Variants in HNRNPC observed in about 807,000 individuals in gnomAD.
The protein encoded by HNRNPC is heterogeneous nuclear ribonucleoprotein C.
HNRNPC carries 3 observed loss-of-function variants against 33.2 expected under a neutral mutation model. That is an observed-to-expected ratio of 0.09 (90% CI 0.04 to 0.23). The LOEUF (loss-of-function observed/expected upper bound fraction) is 0.23. Ranked by LOEUF, HNRNPC falls within the 10% of genes least tolerant of loss-of-function variation. HNRNPC has a pLI of 1.00. For missense variants in HNRNPC, 143 were observed against 366.7 expected (o/e 0.39, Z 4.98); for synonymous variants, 121 against 126.7 (o/e 0.96, Z 0.30).
At position 21,211,399 on chromosome 14, in the gene HNRNPC, T is replaced by C; in HGVS notation, c.798+7A>G. On this transcript the variant is annotated splice_region_variant and intron_variant, in intron 8 of 8. Coordinates refer to ENST00000553300, the MANE Select transcript of HNRNPC (RefSeq NM_004500.4). Reference sequence around the variant, plus strand: ...CACCTTTTTCTTTCCTTTCCCGTGGTTTTCACCTGGTCATCCCCCCGATCT... The same window carrying C: ...CACCTTTTTCTTTCCTTTCCCGTGGCTTTCACCTGGTCATCCCCCCGATCT... 2 of 1,429,076 alleles carry C rather than the reference T, an allele frequency of 1.4e-6. No individual in the cohort carries two copies. Among genetic ancestry groups the C allele is most frequent in the East Asian group, 3.4e-5 (1 of 29,026 alleles). 88.5% of individuals were successfully genotyped at this position (1,429,076 alleles called of 1,614,324 possible).
chr14:21,232,311 G>C (rs1262533888), intron 3 of HNRNPC, among the ~76,000 whole-genome samples: 2 of 152,062 alleles, frequency 1.3e-5, no homozygotes, highest in African/African-American at 4.8e-5. Context: ...ATTAAAATGA[G>C]CTTCATTTTA....
intron 2 of HNRNPC, among the ~76,000 whole-genome samples, chr14:21,240,263 CTCTA>C (rs1333740862): frequency 6.6e-6 from 1 of 152,192 alleles, no homozygotes; most frequent in East Asian, 1.9e-4. Context: ...TAAGTAAAAA[CTCTA>C]TCTAGTTGGG....
intron 2 of HNRNPC, among the ~76,000 whole-genome samples, chr14:21,235,894 C>G (rs763273529): frequency 6.6e-6 from 1 of 151,940 alleles, no homozygotes; most frequent in Non-Finnish European, 1.5e-5. Context: ...TAAGCCAACA[C>G]AGAATACTGA....
chr14:21,211,743 T>A (rs1440409446), intron 7 of HNRNPC, 67 bp downstream of exon 7: 3 of 1,469,046 alleles, frequency 2.0e-6, no homozygotes, highest in African/African-American at 1.4e-5. Flanking sequence ...TATTCCAACA[T>A]GTACTTTCAA....
chr14:21,229,546 A>G (rs1026645999), intron 5 of HNRNPC, among the ~76,000 whole-genome samples: 1 of 152,120 alleles, frequency 6.6e-6, no homozygotes, highest in Non-Finnish European at 1.5e-5. Flanking sequence ...ACTACGTACC[A>G]TATTCTGTGA....
chr14:21,230,055 T>C (rs1893940290), intron 5 of HNRNPC, among the ~76,000 whole-genome samples: 1 of 152,170 alleles, frequency 6.6e-6, no homozygotes, highest in African/African-American at 2.4e-5. Context: ...ACCCAGTCCC[T>C]AGTCACCACA....
intron 2 of HNRNPC, among the ~76,000 whole-genome samples, chr14:21,256,222 C>A (rs766245242): frequency 6.6e-6 from 1 of 152,064 alleles, no homozygotes; most frequent in South Asian, 2.1e-4. Context: ...CAGAGACGGG[C>A]AGATCACAAG....
Position 21,211,853 on chromosome 14 carries a change from C to A in HNRNPC, c.594G>T (p.Leu198=), listed in dbSNP as rs2030020960. Residue 198 remains leucine, a synonymous_variant, in exon 7 of 9, where the codon CTG becomes CTT. Transcript: ENST00000553300. The part of the protein sequence containing the change: ...TQIKQKVDSL[L]ENLEKIEKEQ... ...CCTTTTCAATTTTTTCCAGGTTTTC[C>A]AGGAGAGAATCCACTTTTTGTTTTA... is the stretch of plus-strand genomic sequence containing the variant. 1.2e-6 allele frequency: 2 copies of A among 1,612,784 alleles called. No homozygotes were observed. The highest frequency in any genetic ancestry group is 2.7e-5 in the African/African-American group (2 of 74,812).
chr14:21,253,857 A>T (rs1004580851), intron 2 of HNRNPC, among the ~76,000 whole-genome samples: 2 of 152,010 alleles, frequency 1.3e-5, no homozygotes, highest in Non-Finnish European at 2.9e-5. Flanking sequence ...CGAGGTCAGC[A>T]AATCGACACC....
At chr14:21,222,040 C>CAAA (rs71112558) in intron 5 of HNRNPC, among the ~76,000 whole-genome samples, 5 of 65,692 alleles carry the variant, frequency 7.6e-5, no homozygotes, top group Admixed American at 4.6e-4. Context: ...GACTCCGTCT[C>CAAA]AAAAAAAAAA....
chr14:21,227,387 G>C, intron 5 of HNRNPC, among the ~76,000 whole-genome samples: 1 of 152,100 alleles, frequency 6.6e-6, no homozygotes, highest in East Asian at 1.9e-4. Flanking sequence ...TTACCTAGTT[G>C]CTCCACTAGT....
chr14:21,241,916 T>C (rs1315586131), intron 2 of HNRNPC, among the ~76,000 whole-genome samples: 1 of 152,222 alleles, frequency 6.6e-6, no homozygotes, highest in Middle Eastern at 3.2e-3. Context: ...TTAACTGCTA[T>C]GTTTAAGTAT....
At chr14:21,244,620 CA>C (rs1340035254) in intron 2 of HNRNPC, among the ~76,000 whole-genome samples, 5 of 152,182 alleles carry the variant, frequency 3.3e-5, no homozygotes, top group African/African-American at 1.2e-4. Context: ...ATCAGTAAAC[CA>C]ATTAATCACA....
intron 5 of HNRNPC, among the ~76,000 whole-genome samples, chr14:21,219,122 A>AAAAAAGAAG (rs771795365): frequency 6.6e-6 from 1 of 150,392 alleles, no homozygotes; most frequent in Non-Finnish European, 1.5e-5. Flanking sequence ...AAAAAAAAAA[A>AAAAAAGAAG]AAGAAGAAAA....
intron 5 of HNRNPC, among the ~76,000 whole-genome samples, chr14:21,214,694 C>G (rs1891968021): frequency 6.6e-6 from 1 of 152,186 alleles, no homozygotes; most frequent in South Asian, 2.1e-4. Context: ...TTTTTATTAT[C>G]ACTACTTTCC....
At chr14:21,256,828 T>C (rs778608654) in intron 2 of HNRNPC, among the ~76,000 whole-genome samples, 1 of 152,086 alleles carries the variant, frequency 6.6e-6, no homozygotes, top group Non-Finnish European at 1.5e-5. Context: ...AATTTTTGTA[T>C]ATTTTTGAAG....
chr14:21,211,674 C>T, intron 7 of HNRNPC, 108 bp from the exon 8 acceptor site: 1 of 1,439,112 alleles, frequency 6.9e-7, no homozygotes, highest in Middle Eastern at 1.8e-4. Flanking sequence ...TCCTCCCACA[C>T]AAATACCCTT....
At chr14:21,213,641 C>T (rs1253452204) in intron 5 of HNRNPC, among the ~76,000 whole-genome samples, 1 of 152,128 alleles carries the variant, frequency 6.6e-6, no homozygotes, top group Admixed American at 6.5e-5. Context: ...AAGGTTGAAC[C>T]ATATAAAATT....
Position 21,224,764 on chromosome 14 carries a change from A to T in HNRNPC, c.365+5555T>A, listed in dbSNP as rs185837498. Among the ~76,000 whole-genome samples the T allele has an allele frequency of 3.6e-3, 546 of 152,274 alleles. 2 individuals are homozygous for T. Among genetic ancestry groups the T allele is most frequent in the Non-Finnish European group, 5.2e-3 (351 of 68,026 alleles). On this transcript the variant is annotated intron_variant, in intron 5 of 8. Transcript: ENST00000553300. ...TTTACTTTACAGCTGGCTGCTCCTC[A>T]AACACATCAAGGCCCCTCACAACTC...
Sources: gnomAD v4.1 joint callset for allele counts (sites outside exome capture counted in the v4.1 genomes callset) on GRCh38, gnomAD v4.1.1 for gene constraint, MANE v1.5 for transcripts, NCBI Gene and HGNC (gene_info 2026-07-23, HGNC 2026-07-21) for gene names.